The following RAD54L2 variants were observed in gnomAD, a reference collection of about 807,000 sequenced individuals.
RAD54L2 encodes the protein RAD54 like 2, also known as helicase ARIP4.
In RAD54L2, 27 loss-of-function variants were observed where a neutral mutation model predicts 138.4. The observed-to-expected ratio is 0.20, with a 90% CI of 0.14 to 0.27. The LOEUF is 0.27. RAD54L2 is among the 10% of genes least tolerant of loss of function. The pLI, the probability that RAD54L2 is intolerant of heterozygous loss-of-function variation, is 1.00. For missense variants in RAD54L2, 1,396 were observed against 1,890.2 expected (o/e 0.74, Z 4.85); for synonymous variants, 644 against 723.2 (o/e 0.89, Z 1.76).
At chr3:51,560,860 TTGA>T (rs1282776897) in intron 2 of RAD54L2, among the ~76,000 whole-genome samples, 1 of 152,206 alleles carries the variant, frequency 6.6e-6, no homozygotes, top group Non-Finnish European at 1.5e-5. Context: ...TTAAGAAAAT[TTGA>T]AGGTAGGGAA....
chr3:51,649,596 C>A (rs1701375550), intron 19 of RAD54L2, among the ~76,000 whole-genome samples: 1 of 152,188 alleles, frequency 6.6e-6, no homozygotes, highest in African/African-American at 2.4e-5. Flanking sequence ...AACAGTGGAT[C>A]TCTTGGCAGA....
At chr3:51,644,117 A>C in intron 16 of RAD54L2, 143 bp downstream of exon 16, 1 of 660,524 alleles carries the variant, frequency 1.5e-6, no homozygotes, top group Non-Finnish European at 2.6e-6. Flanking sequence ...GGGAACTTCA[A>C]AAGGAAATTA....
intron 22 of RAD54L2, among the ~76,000 whole-genome samples, chr3:51,661,114 A>C (rs1355487868): frequency 6.6e-6 from 1 of 151,806 alleles, no homozygotes; most frequent in Non-Finnish European, 1.5e-5. Flanking sequence ...GGTGCGTGCC[A>C]CCACGCCCAG....
rs184530107 is a variant in RAD54L2 at position 51,639,640 on chromosome 3, G to T, written c.2082G>T (p.Glu694Asp). Reference sequence around the variant, plus strand: ...GCGTTGGCTTCAACCCTTTCCAGGAGCGAGGCAACAACATTGTCACATATG... The same window carrying T: ...GCGTTGGCTTCAACCCTTTCCAGGATCGAGGCAACAACATTGTCACATATG... ...LQGVGFNPFQERGNNIVTYEW... is the reference protein window; with the variant it reads ...LQGVGFNPFQDRGNNIVTYEW... Residue 694 changes from glutamate (E) to aspartate (D), a missense_variant, in exon 13 of 23, where the codon GAG becomes GAT. Coordinates refer to ENST00000684192, the MANE Select transcript of RAD54L2 (RefSeq NM_015106.4). 1.2e-6 allele frequency: 2 copies of T among 1,613,862 alleles called. No homozygotes were observed. The highest frequency in any genetic ancestry group is 1.7e-6 in the Non-Finnish European group (2 of 1,179,846).
At chr3:51,603,512 C>T (rs1016539455) in intron 3 of RAD54L2, among the ~76,000 whole-genome samples, 3 of 151,758 alleles carry the variant, frequency 2.0e-5, no homozygotes, top group East Asian at 1.9e-4. Flanking sequence ...GAGACTGAGG[C>T]GGGAGAATTG....
chr3:51,543,216 T>G (rs1698598998), intron 2 of RAD54L2, among the ~76,000 whole-genome samples: 1 of 152,060 alleles, frequency 6.6e-6, no homozygotes, highest in East Asian at 1.9e-4. Flanking sequence ...GAAAAATAAG[T>G]AGAGGCCAGA....
intron 20 of RAD54L2, among the ~76,000 whole-genome samples, chr3:51,656,446 G>A (rs143095083): frequency 1.7e-4 from 26 of 152,298 alleles, no homozygotes; most frequent in African/African-American, 6.3e-4. Context: ...CTGGAATACA[G>A]GGTTGGTCTC....
rs1700689981 is a variant in RAD54L2 at position 51,626,456 on chromosome 3, T to TTTTTTTTTTTTTTTTTC, written c.140-1091_140-1090insTTTTTTTTTTCTTTTTT. 1.6e-5 allele frequency among the ~76,000 whole-genome samples: 2 copies of TTTTTTTTTTTTTTTTTC among 128,806 alleles called. 1 individual carries two copies. The highest frequency in any genetic ancestry group is 5.9e-5 in the African/African-American group (2 of 34,176). The allele number at this position is 128,806 out of a possible 152,430, so 84.5% of individuals were successfully genotyped here. ...ACGATCTTTTTTTTTTTTTTTTTTT[T>TTTTTTTTTTTTTTTTTC]TTTTTTAAGAGGGAGTCTCATTATG... On this transcript the variant is annotated intron_variant, in intron 3 of 22. Transcript: ENST00000684192.
At chr3:51,625,754 T>C (rs1418015925) in intron 3 of RAD54L2, among the ~76,000 whole-genome samples, 1 of 152,016 alleles carries the variant, frequency 6.6e-6, no homozygotes, top group Admixed American at 6.6e-5. Context: ...CCCAGCTACC[T>C]GAGAGGCTGA....
intron 3 of RAD54L2, among the ~76,000 whole-genome samples, chr3:51,591,639 T>C (rs565133091): frequency 6.6e-6 from 1 of 152,340 alleles, no homozygotes; most frequent in South Asian, 2.1e-4. Flanking sequence ...TGTCTGTTGC[T>C]AGCTTATTCA....
Position 51,633,919 on chromosome 3 carries a change from T to C in RAD54L2, c.1026T>C (p.Asn342=), listed in dbSNP as rs766884755. The C allele has an allele frequency of 3.7e-6, 6 of 1,613,794 alleles. No homozygotes were observed. In the African/African-American group the frequency reaches 5.3e-5, roughly 14 times the overall value. ...LAIVPVNTLQ[N]WLAEFNMWLP... ...TCTAATAGGTTAATACTCTTCAGAA[T>C]TGGCTGGCAGAGTTCAACATGTGGC... Residue 342 remains asparagine (N), a synonymous_variant, in exon 9 of 23, where the codon AAT becomes AAC. Coordinates refer to ENST00000684192, the MANE Select transcript of RAD54L2 (RefSeq NM_015106.4).
intron 2 of RAD54L2, among the ~76,000 whole-genome samples, chr3:51,575,937 A>G (rs1047191294): frequency 3.3e-5 from 5 of 152,122 alleles, no homozygotes; most frequent in Admixed American, 3.3e-4. Flanking sequence ...GTTTTCAAAG[A>G]GAATGCTTCC....
At chr3:51,574,602 A>G (rs1467929112) in intron 2 of RAD54L2, among the ~76,000 whole-genome samples, 2 of 152,124 alleles carry the variant, frequency 1.3e-5, no homozygotes, top group African/African-American at 4.8e-5. Flanking sequence ...GCCAGTGATG[A>G]TGAGCATTTT....
At chr3:51,583,108 G>A (rs1468931188) in intron 2 of RAD54L2, among the ~76,000 whole-genome samples, 1 of 152,118 alleles carries the variant, frequency 6.6e-6, no homozygotes, top group African/African-American at 2.4e-5. Context: ...TTACATGTTA[G>A]CAAATAACCT....
intron 3 of RAD54L2, among the ~76,000 whole-genome samples, chr3:51,619,216 C>T (rs1258441084): frequency 2.0e-5 from 3 of 152,140 alleles, no homozygotes; most frequent in African/African-American, 4.8e-5. Flanking sequence ...CGCCACCACG[C>T]GTGGCTAATT....
At chr3:51,649,299 T>G (rs1264235496) in intron 19 of RAD54L2, among the ~76,000 whole-genome samples, 1 of 152,116 alleles carries the variant, frequency 6.6e-6, no homozygotes, top group African/African-American at 2.4e-5. Context: ...TATGGGACTA[T>G]GTGAAAAGAC....
intron 3 of RAD54L2, among the ~76,000 whole-genome samples, chr3:51,605,152 C>T (rs973793291): frequency 2.0e-5 from 3 of 148,222 alleles, no homozygotes; most frequent in Admixed American, 1.4e-4. Flanking sequence ...TGCAGTGGCG[C>T]GATCTCCGCT....
intron 2 of RAD54L2, among the ~76,000 whole-genome samples, chr3:51,570,928 T>A (rs575000205): frequency 6.6e-6 from 1 of 152,064 alleles, no homozygotes; most frequent in Non-Finnish European, 1.5e-5. Flanking sequence ...TTCAAGCGAT[T>A]TTCTTGCCTC....
chr3:51,565,664 G>A (rs909019128), intron 2 of RAD54L2, among the ~76,000 whole-genome samples: 5 of 152,018 alleles, frequency 3.3e-5, no homozygotes, highest in Admixed American at 3.3e-4. Flanking sequence ...GTAGTGATGG[G>A]GTTTCACCGT....
Sources: allele counts gnomAD v4.1 joint callset (sites outside exome capture counted in the v4.1 genomes callset), GRCh38; gene constraint gnomAD v4.1.1; transcripts MANE v1.5; gene names NCBI Gene and HGNC (gene_info 2026-07-23, HGNC 2026-07-21).